Variants in KCND2 observed in about 807,000 individuals in gnomAD.
KCND2 encodes the protein potassium voltage-gated channel subfamily D member 2.
Under a neutral mutation model 54.4 loss-of-function variants are expected in KCND2, and 16 were observed. The ratio of observed to expected loss-of-function variants is 0.29; its 90% CI spans 0.20 to 0.45. The LOEUF (loss-of-function observed/expected upper bound fraction) is 0.45, where lower values mean the gene tolerates loss of function less well. Among genes scored for constraint, KCND2 ranks in the 20% least tolerant of loss-of-function variants. KCND2 has a pLI of 1.00. For missense variants in KCND2, 486 were observed against 824.2 expected (o/e 0.59, Z 5.02); for synonymous variants, 317 against 310.7 (o/e 1.02, Z -0.21).
At chr7:120,353,119 G>A (rs6942715) in intron 1 of KCND2, among the ~76,000 whole-genome samples, 94,739 of 142,268 alleles carry the variant, frequency 0.67, 35,803 homozygotes, top group South Asian at 0.9. Flanking sequence ...AACAATGTGA[G>A]ATAAATACTT....
chr7:120,738,532 C>T (rs1584902391), intron 2 of KCND2, among the ~76,000 whole-genome samples: 1 of 151,966 alleles, frequency 6.6e-6, no homozygotes, highest in East Asian at 1.9e-4. Flanking sequence ...GCTTTTTTTA[C>T]ACTGAAAATG....
chr7:120,315,732 A>T (rs574903852), intron 1 of KCND2, among the ~76,000 whole-genome samples: 37 of 151,434 alleles, frequency 2.4e-4, no homozygotes, highest in African/African-American at 8.3e-4. Context: ...TCAAGCAGTG[A>T]GACACGAAAT....
At chr7:120,365,377 T>C (rs564596134) in intron 1 of KCND2, among the ~76,000 whole-genome samples, 6 of 152,160 alleles carry the variant, frequency 3.9e-5, no homozygotes, top group African/African-American at 1.4e-4. Flanking sequence ...CCAAGGATCA[T>C]GTCAGACAGT....
intron 1 of KCND2, among the ~76,000 whole-genome samples, chr7:120,348,545 A>G (rs999666325): frequency 2.0e-5 from 3 of 152,236 alleles, no homozygotes; most frequent in Non-Finnish European, 4.4e-5. Context: ...ACCTTTATAC[A>G]TGCAACATAG....
chr7:120,394,414 T>A (rs1325672001), intron 1 of KCND2, among the ~76,000 whole-genome samples: 2 of 151,856 alleles, frequency 1.3e-5, no homozygotes, highest in Admixed American at 1.3e-4. Flanking sequence ...AAAGACCACT[T>A]TTAGGTTCTA....
intron 1 of KCND2, among the ~76,000 whole-genome samples, chr7:120,446,774 G>A (rs1390289696): frequency 1.3e-5 from 2 of 152,172 alleles, no homozygotes; most frequent in Non-Finnish European, 2.9e-5. Context: ...GGATGGCAGA[G>A]CAAATACTTT....
At chr7:120,716,634 C>T (rs1012465662) in intron 1 of KCND2, among the ~76,000 whole-genome samples, 1 of 152,136 alleles carries the variant, frequency 6.6e-6, no homozygotes, top group African/African-American at 2.4e-5. Context: ...ATAACCAGCC[C>T]TGGCTAAAAC....
chr7:120,287,507 A>G (rs891884651), intron 1 of KCND2, among the ~76,000 whole-genome samples: 6 of 152,048 alleles, frequency 3.9e-5, no homozygotes, highest in African/African-American at 1.4e-4. Context: ...CTCTCAGCCT[A>G]TTTCTATCAT....
intron 1 of KCND2, among the ~76,000 whole-genome samples, chr7:120,419,174 T>A (rs908464850): frequency 2.0e-5 from 3 of 152,112 alleles, no homozygotes; most frequent in African/African-American, 7.2e-5. Flanking sequence ...CCTATATATA[T>A]CACCCACAAG....
intron 1 of KCND2, among the ~76,000 whole-genome samples, chr7:120,627,660 T>C (rs1053042787): frequency 1.3e-5 from 2 of 152,150 alleles, no homozygotes; most frequent in East Asian, 1.9e-4. Context: ...TGACATGTTT[T>C]GGTCTATACT....
At chr7:120,512,451 C>T (rs1022398461) in intron 1 of KCND2, among the ~76,000 whole-genome samples, 2 of 151,496 alleles carry the variant, frequency 1.3e-5, no homozygotes, top group Admixed American at 1.3e-4. Flanking sequence ...TATTGGACTA[C>T]ATTAGCATCA....
chr7:120,692,075 CAG>C (rs780200238), intron 1 of KCND2, among the ~76,000 whole-genome samples: 1 of 152,032 alleles, frequency 6.6e-6, no homozygotes, highest in Non-Finnish European at 1.5e-5. Context: ...TGGAATGCAA[CAG>C]AGAGAGAATG....
At chr7:120,447,302 G>A (rs1802030573) in intron 1 of KCND2, among the ~76,000 whole-genome samples, 1 of 150,692 alleles carries the variant, frequency 6.6e-6, no homozygotes, top group South Asian at 2.1e-4. Context: ...CCTAGTTCTG[G>A]CCAATGGAAT....
intron 1 of KCND2, among the ~76,000 whole-genome samples, chr7:120,603,820 A>G (rs1792845172): frequency 6.6e-6 from 1 of 152,190 alleles, no homozygotes; most frequent in African/African-American, 2.4e-5. Context: ...GGCATTGAAA[A>G]TTTTGCACAA....
At chr7:120,470,383 C>T (rs1484917831) in intron 1 of KCND2, among the ~76,000 whole-genome samples, 1 of 152,084 alleles carries the variant, frequency 6.6e-6, no homozygotes, top group Non-Finnish European at 1.5e-5. Flanking sequence ...TCATTTTCTA[C>T]TCTGCTATCA....
At chr7:120,520,032 T>C (rs1791668485) in intron 1 of KCND2, among the ~76,000 whole-genome samples, 1 of 152,070 alleles carries the variant, frequency 6.6e-6, no homozygotes, top group African/African-American at 2.4e-5. Context: ...AAAGTAATGA[T>C]TGCTGTCATT....
chr7:120,551,145 T>TG (rs1218948529), intron 1 of KCND2, among the ~76,000 whole-genome samples: 2 of 152,178 alleles, frequency 1.3e-5, no homozygotes, highest in Non-Finnish European at 2.9e-5. Context: ...AGAGATTCTC[T>TG]GGGGAATAAA....
intron 1 of KCND2, among the ~76,000 whole-genome samples, chr7:120,671,681 T>G (rs958974894): frequency 2.6e-5 from 4 of 152,076 alleles, no homozygotes; most frequent in Admixed American, 2.6e-4. Context: ...CATTTTAACA[T>G]CCACATCTGT....
At position 120,275,911 on chromosome 7, in the gene KCND2, G is replaced by T. The variant is rs530529401; in HGVS notation, c.1115+164G>T. 2.0e-5 allele frequency among the ~76,000 whole-genome samples: 3 copies of T among 152,296 alleles called. No homozygotes were observed. In the South Asian group the frequency reaches 6.2e-4, roughly 32 times the overall value. ...GCAAAACTCTTTTCATCTGTGAAAT[G>T]GGTATAATACACACGTTGAAGTATT... On this transcript the variant is annotated intron_variant, in intron 1 of 5. Transcript: ENST00000331113.
Sources: gnomAD v4.1 joint callset for allele counts (sites outside exome capture counted in the v4.1 genomes callset) on GRCh38, gnomAD v4.1.1 for gene constraint, MANE v1.5 for transcripts, NCBI Gene and HGNC (gene_info 2026-07-23, HGNC 2026-07-21) for gene names.